Variants in USP42 observed in about 807,000 individuals in gnomAD.
USP42 encodes ubiquitin carboxyl-terminal hydrolase 42.
Under a neutral mutation model 113.0 loss-of-function variants are expected in USP42, and 23 were observed. The ratio of observed to expected loss-of-function variants is 0.20; its 90% confidence interval spans 0.15 to 0.29. The LOEUF is 0.29. Ranked by LOEUF, USP42 falls within the 10% of genes least tolerant of loss-of-function variation. The pLI, the probability that USP42 is intolerant of heterozygous loss-of-function variation, is 1.00. For missense variants in USP42, 2,174 were observed against 1,779.8 expected, an observed-to-expected ratio of 1.22 and a Z score of -3.99; for synonymous variants, 933 against 699.0, an observed-to-expected ratio of 1.33 and a Z score of -5.28.
At chr7:6,143,772 A>G (rs1000548894) in intron 8 of USP42, among the ~76,000 whole-genome samples, 2 of 152,096 alleles carry the variant, frequency 1.3e-5, no homozygotes, top group African/African-American at 2.4e-5. Flanking sequence ...CAGTCTGAAC[A>G]TGTTCGTTTT....
At chr7:6,099,999 CAA>C (rs1216420223), upstream of USP42, among the ~76,000 whole-genome samples, 4 of 90,070 alleles carry the variant, frequency 4.4e-5, no homozygotes, top group African/African-American at 1.6e-4. Flanking sequence ...CCAAATTTCA[CAA>C]GTCTATTATT....
At position 6,157,735 on chromosome 7, in the gene USP42, G is replaced by A. The variant is rs148871793; in HGVS notation, c.3943+680G>A. Among the ~76,000 whole-genome samples the A allele has an allele frequency of 1.4e-3, 220 of 152,330 alleles. 2 individuals are homozygous for A. The East Asian group carries it at 0.037, about 26-fold the overall frequency. ...GCACCCTGATGCTCGGTACTGATTT[G>A]CTCGCTTGGTTCCTTAGAAGCGTGG... On this transcript the variant is annotated intron_variant, in intron 16 of 17. Transcript: ENST00000306177. The surrounding 1 kb of genome is among the most constrained non-coding windows in gnomAD (Gnocchi z 4.1).
chr7:6,119,996 C>T (rs563651704), intron 3 of USP42, among the ~76,000 whole-genome samples: 67 of 152,284 alleles, frequency 4.4e-4, no homozygotes, highest in African/African-American at 1.4e-3. Context: ...GACGGAGTCT[C>T]GCTCTGCCGC....
At chr7:6,093,664 CT>C in the USP42 span, among the ~76,000 whole-genome samples, 1 of 144,498 alleles carries the variant, frequency 6.9e-6, no homozygotes, top group African/African-American at 2.6e-5. Flanking sequence ...CTTCCTTTCT[CT>C]CTTTTTTTCT....
intron 3 of USP42, among the ~76,000 whole-genome samples, chr7:6,127,810 A>G (rs1780620687): frequency 6.6e-6 from 1 of 152,184 alleles, no homozygotes; most frequent in Non-Finnish European, 1.5e-5. Flanking sequence ...TGGGATTTTG[A>G]TAGGAAGTAC....
rs1456710023 is a variant in USP42, at chr7:6,150,161, G to A, written c.1965G>A (p.Met655Ile). The change falls in exon 13 of 18, where the codon ATG (methionine) becomes ATA (isoleucine). Residue 655 changes from methionine to isoleucine, a missense_variant. By Grantham distance (10) the Met-to-Ile change is conservative. Transcript: ENST00000306177. ...EATPHELQEP[M>I]TLNGANSADS... ...CTCCGCACGAGCTTCAAGAACCCATGACCCTAAACGGTGCTAATAGTGCAG... is the reference window on the plus strand; with the variant it reads ...CTCCGCACGAGCTTCAAGAACCCATAACCCTAAACGGTGCTAATAGTGCAG... 1.9e-6 allele frequency: 3 copies of A among 1,613,752 alleles called. No homozygotes were observed. The highest frequency in any genetic ancestry group is 1.7e-5 in the Admixed American group (1 of 59,978).
At chr7:6,140,283 G>A in intron 6 of USP42, 88 bp downstream of exon 6, 1 of 1,230,258 alleles carries the variant, frequency 8.1e-7, no homozygotes, top group Non-Finnish European at 1.2e-6. Context: ...CTACTAGGAA[G>A]GAAGGAAAAG....
At chr7:6,138,494 C>T (rs1781269873) in intron 4 of USP42, among the ~76,000 whole-genome samples, 1 of 152,178 alleles carries the variant, frequency 6.6e-6, no homozygotes, top group South Asian at 2.1e-4. Flanking sequence ...TCAAGTGTAA[C>T]TTTATTAACT....
At position 6,157,203 on chromosome 7, in the gene USP42, T is replaced by TC. The variant is rs982195376; in HGVS notation, c.3943+149dup. The TC allele has an allele frequency of 7.0e-7, 1 of 1,427,462 alleles. No homozygotes were observed. Among genetic ancestry groups the TC allele is most frequent in the Non-Finnish European group, 9.1e-7 (1 of 1,095,812 alleles). The allele number at this position is 1,427,462 out of a possible 1,614,324, so 88.4% of individuals were successfully genotyped here. On this transcript the variant is annotated intron_variant, in intron 16 of 17. Coordinates refer to ENST00000306177, the MANE Select transcript of USP42 (RefSeq NM_032172.3). The surrounding 1 kb of genome is among the most constrained non-coding windows in gnomAD (Gnocchi z 4.1). ...CACCCCTGCCCTGCCTGGTCTGGCCTCAGTGCTCATCCCTGCAGTGTGGTT... is the reference window on the plus strand; with the variant it reads ...CACCCCTGCCCTGCCTGGTCTGGCCTCCAGTGCTCATCCCTGCAGTGTGGTT...
chr7:6,098,842 T>A, the USP42 span, among the ~76,000 whole-genome samples: 7 of 149,726 alleles, frequency 4.7e-5, 1 homozygote. Flanking sequence ...CACCATGCCC[T>A]GCCAAGAATG....
At position 6,139,037 on chromosome 7, in the gene USP42, A is replaced by C; in HGVS notation, c.554-55A>C. 2 of 1,212,426 alleles carry C rather than the reference A, an allele frequency of 1.6e-6. No homozygotes were observed. The highest frequency in any genetic ancestry group is 2.3e-6 in the Non-Finnish European group (2 of 858,660). The allele number at this position is 1,212,426 out of a possible 1,614,324, so 75.1% of individuals were successfully genotyped here. On this transcript the variant is annotated intron_variant, in intron 4 of 17. Transcript: ENST00000306177. The surrounding 1 kb of genome is among the most constrained non-coding windows in gnomAD (Gnocchi z 4.5). ...TTATAAGATATATTTTGGGGGGTAC[A>C]ACTTAGGCTTATTACGTGTAATGAT... is the stretch of plus-strand genomic sequence containing the variant.
upstream of USP42, among the ~76,000 whole-genome samples, chr7:6,102,119 T>C (rs1321754882): frequency 1.3e-5 from 2 of 148,276 alleles, no homozygotes; most frequent in East Asian, 3.9e-4. Context: ...ATTTTTTTTT[T>C]TTTTTTTTTT....
intron 1 of USP42, among the ~76,000 whole-genome samples, chr7:6,105,670 G>A (rs1020179383): frequency 1.6e-4 from 25 of 152,244 alleles, no homozygotes; most frequent in African/African-American, 5.5e-4. Flanking sequence ...CGAAGGGAGA[G>A]GAGAAGCCGG....
intron 11 of USP42, 28 bp downstream of exon 11, chr7:6,146,276 T>C: frequency 7.5e-7 from 1 of 1,335,490 alleles, no homozygotes. Flanking sequence ...AATTGCCAGA[T>C]TTTCTGGTAT....
chr7:6,140,645 G>A (rs1432274101), intron 6 of USP42, among the ~76,000 whole-genome samples: 1 of 152,192 alleles, frequency 6.6e-6, no homozygotes, highest in African/African-American at 2.4e-5. Context: ...ATCACAGGGA[G>A]TGTGTATTGT....
At position 6,142,961 on chromosome 7, in the gene USP42, G is replaced by A. The variant is rs374960858; in HGVS notation, c.825G>A (p.Glu275=). 90 of 1,613,896 alleles carry A rather than the reference G, an allele frequency of 5.6e-5. No homozygotes were observed. Among genetic ancestry groups the A allele is most frequent in the Non-Finnish European group, 7.2e-5 (85 of 1,179,894 alleles). ...KAAQSVNKAL[E]QFVKPEQLDG... is the part of the protein sequence containing the mutation. ...CTCAGAGTGTCAACAAGGCATTGGA[G>A]CAGTTTGTGAAGCCGGAACAGCTTG... Residue 275 remains glutamate, a synonymous_variant, in exon 8 of 18, where the codon GAG becomes GAA. Coordinates refer to ENST00000306177, the MANE Select transcript of USP42 (RefSeq NM_032172.3).
intron 14 of USP42, 34 bp downstream of exon 14, chr7:6,150,540 A>C (rs756316470): frequency 1.3e-6 from 2 of 1,589,312 alleles, no homozygotes; most frequent in Non-Finnish European, 1.7e-6. Context: ...CACGTGTGGC[A>C]GCATAGTAGG....
At chr7:6,144,419 G>T (rs1781591632) in intron 9 of USP42, among the ~76,000 whole-genome samples, 1 of 152,158 alleles carries the variant, frequency 6.6e-6, no homozygotes, top group South Asian at 2.1e-4. Flanking sequence ...GCTAGACTTT[G>T]CCAGTTTTCA....
At position 6,155,053 on chromosome 7, in the gene USP42, G is replaced by T; in HGVS notation, c.3499G>T (p.Val1167Leu). 6.4e-7 allele frequency: 1 copy of T among 1,563,008 alleles called. No individual in the cohort carries two copies. The highest frequency in any genetic ancestry group is 8.7e-7 in the Non-Finnish European group (1 of 1,153,628). ...GTCCCGGAAACGGAGACACGACAGTGTGGAGAACAGTGACAGTCATGTTGA... is the reference window on the plus strand; with the variant it reads ...GTCCCGGAAACGGAGACACGACAGTTTGGAGAACAGTGACAGTCATGTTGA... Reference protein sequence around the residue: ...GKSRKRRHDSVENSDSHVEKK... With the variant: ...GKSRKRRHDSLENSDSHVEKK... The change falls in exon 15 of 18, where the codon GTG becomes TTG. Residue 1167 changes from valine (V) to leucine (L), a missense_variant. Val to Leu is a conservative substitution (Grantham distance 32). Transcript: ENST00000306177.
Sources: gnomAD v4.1 joint callset for allele counts (sites outside exome capture counted in the v4.1 genomes callset) on GRCh38, gnomAD v4.1.1 for gene constraint, Gnocchi (gnomAD v3.1) non-coding constraint, MANE v1.5 for transcripts, NCBI Gene and HGNC (gene_info 2026-07-23, HGNC 2026-07-21) for gene names.